Variants in TENM4 observed in about 807,000 individuals in gnomAD.
TENM4 encodes the protein teneurin-4.
A neutral mutation model predicts 243.3 loss-of-function variants in TENM4; 82 were observed. That is an observed-to-expected ratio of 0.34 (90% CI 0.28 to 0.40). The LOEUF (loss-of-function observed/expected upper bound fraction) is 0.40. TENM4 is among the 10% of genes least tolerant of loss of function. The probability of loss-of-function intolerance (pLI) is 1.00; values close to 1 mark genes in which losing one functional copy is unlikely to be tolerated. For missense variants in TENM4, 3,138 were observed against 3,673.3 expected (o/e 0.85, Z 3.77); for synonymous variants, 1,412 against 1,456.3 (o/e 0.97, Z 0.69).
chr11:79,123,680 G>A (rs1277241677), intron 4 of TENM4, among the ~76,000 whole-genome samples: 1 of 151,274 alleles, frequency 6.6e-6, no homozygotes, highest in Non-Finnish European at 1.5e-5. Context: ...TGGGCCTTGT[G>A]CAATGCACAC....
intron 19 of TENM4, among the ~76,000 whole-genome samples, chr11:78,750,521 T>C (rs1288007595): frequency 6.6e-6 from 1 of 152,256 alleles, no homozygotes. Flanking sequence ...AAGCCCGCCC[T>C]GTGTTACATG....
At chr11:78,766,334 G>A (rs1790562) in intron 18 of TENM4, among the ~76,000 whole-genome samples, 132,423 of 152,278 alleles carry the variant, frequency 0.87, 58,232 homozygotes, top group Non-Finnish European at 0.91. Context: ...CATCTTTGGG[G>A]CATGGTGTCA....
intron 1 of TENM4, among the ~76,000 whole-genome samples, chr11:79,362,310 A>T (rs1160776213): frequency 6.6e-6 from 1 of 152,202 alleles, no homozygotes; most frequent in Admixed American, 6.5e-5. Flanking sequence ...ATGTCAGCAG[A>T]GGGGGAAATA....
chr11:79,123,599 C>CT (rs35553883), intron 4 of TENM4, among the ~76,000 whole-genome samples: 1,733 of 143,700 alleles, frequency 0.012, 34 homozygotes, highest in African/African-American at 0.028. Flanking sequence ...GCAGTAGCCC[C>CT]TTTTTTTTTT....
At chr11:78,713,677 G>A (rs1300091442) in intron 25 of TENM4, among the ~76,000 whole-genome samples, 1 of 152,148 alleles carries the variant, frequency 6.6e-6, no homozygotes, top group South Asian at 2.1e-4. Flanking sequence ...GGAAACCAGA[G>A]ATAAAATAAA....
intron 4 of TENM4, among the ~76,000 whole-genome samples, chr11:79,143,038 G>T (rs1304907460): frequency 6.6e-6 from 1 of 152,154 alleles, no homozygotes; most frequent in Non-Finnish European, 1.5e-5. Flanking sequence ...ATGTGCTGGA[G>T]AGGATGTGGA....
intron 2 of TENM4, among the ~76,000 whole-genome samples, chr11:79,257,720 G>T (rs776551914): frequency 6.6e-6 from 1 of 152,188 alleles, no homozygotes; most frequent in Non-Finnish European, 1.5e-5. Context: ...GGCTATCAGA[G>T]CAGGTCACAC....
intron 3 of TENM4, among the ~76,000 whole-genome samples, chr11:79,192,293 A>G (rs1031604809): frequency 1.3e-5 from 2 of 152,250 alleles, no homozygotes; most frequent in Non-Finnish European, 2.9e-5. Flanking sequence ...AGAATGGGCC[A>G]TGATGACGAT....
At chr11:79,003,363 G>A (rs542072135) in intron 6 of TENM4, among the ~76,000 whole-genome samples, 2 of 150,830 alleles carry the variant, frequency 1.3e-5, no homozygotes, top group Non-Finnish European at 2.9e-5. Flanking sequence ...TATTCTCCAA[G>A]GTCAAAATGA....
rs541241076 is a variant in TENM4 at position 79,043,416 on chromosome 11, A to G, written c.493+21322T>C. Among the ~76,000 whole-genome samples the G allele has an allele frequency of 2.9e-3, 434 of 152,180 alleles. 2 individuals carry two copies. The highest frequency in any genetic ancestry group is 4.8e-3 in the Non-Finnish European group (329 of 68,000). ...GCTGTGAGAAGCAGCCAAAAAGGCTATTTGCTCCAGAGTGGGTAGCTCCAC... is the reference window on the plus strand; with the variant it reads ...GCTGTGAGAAGCAGCCAAAAAGGCTGTTTGCTCCAGAGTGGGTAGCTCCAC... On this transcript the variant is annotated intron_variant, in intron 6 of 33. Transcript: ENST00000278550.
chr11:79,199,619 C>A (rs1177272260), intron 3 of TENM4, among the ~76,000 whole-genome samples: 2 of 152,220 alleles, frequency 1.3e-5, no homozygotes, highest in Admixed American at 6.5e-5. Context: ...GAATGCCCTT[C>A]CATTACAGAT....
At chr11:79,433,580 A>C (rs890853892) in intron 1 of TENM4, among the ~76,000 whole-genome samples, 1 of 152,064 alleles carries the variant, frequency 6.6e-6, no homozygotes, top group Non-Finnish European at 1.5e-5. Flanking sequence ...CTTAAAACCT[A>C]ATGTTCTTAA....
intron 1 of TENM4, among the ~76,000 whole-genome samples, chr11:79,393,781 G>A (rs1858284337): frequency 6.6e-6 from 1 of 152,212 alleles, no homozygotes; most frequent in Non-Finnish European, 1.5e-5. Context: ...CCAATAGGTG[G>A]TGCTGCCAGA....
rs146644727 is a variant in TENM4, at chr11:79,155,936, C to G, written c.-162-7130G>C. Among the ~76,000 whole-genome samples the G allele has an allele frequency of 7.4e-3, 1,129 of 152,158 alleles. 13 individuals are homozygous for G. Among genetic ancestry groups the G allele is most frequent in the African/African-American group, 0.026 (1,094 of 41,502 alleles). ...TCCTTTTATCCCCCCACCCTTCCCA[C>G]CTGCCAGCCATCCCATCCTTCCTAC... is the stretch of plus-strand genomic sequence containing the variant. On this transcript the variant is annotated intron_variant, in intron 3 of 33. Transcript: ENST00000278550.
chr11:78,962,268 C>G (rs1476411397), intron 6 of TENM4: 3 of 151,260 alleles, frequency 2.0e-5, no homozygotes, highest in Non-Finnish European at 4.4e-5. Flanking sequence ...CCGCCTCTGG[C>G]TCTCATTGGC....
chr11:79,084,017 C>T (rs905394905), intron 4 of TENM4, among the ~76,000 whole-genome samples: 24 of 151,954 alleles, frequency 1.6e-4, no homozygotes, highest in African/African-American at 5.6e-4. Flanking sequence ...CAAAATGCAA[C>T]AGTGAGAAAC....
chr11:78,702,132 A>G lies in TENM4; in HGVS notation c.4481T>C (p.Ile1494Thr). The stretch of plus-strand genomic sequence containing the variant: ...CTCTCCACTAGTGGTGACCTGCCTG[A>G]TGCGGTTGATCTTTTTCTCATCAGT... ...AETDEKKINR[I>T]RQVTTSGEIS... Residue 1494 changes from isoleucine to threonine, a missense_variant, in exon 28 of 34, where the codon ATC becomes ACC. By Grantham distance (89) the Ile-to-Thr change is moderately conservative. Coordinates refer to ENST00000278550, the MANE Select transcript of TENM4 (RefSeq NM_001098816.3). 1 of 1,613,944 alleles carries G rather than the reference A, an allele frequency of 6.2e-7. No homozygotes were observed. Among genetic ancestry groups the G allele is most frequent in the Non-Finnish European group, 8.5e-7 (1 of 1,179,890 alleles).
intron 6 of TENM4, among the ~76,000 whole-genome samples, chr11:78,960,747 C>T (rs979917761): frequency 1.3e-5 from 2 of 152,182 alleles, no homozygotes; most frequent in Admixed American, 6.5e-5. Context: ...TACTAGGTTC[C>T]TACCGCCTTT....
intron 6 of TENM4, among the ~76,000 whole-genome samples, chr11:78,954,664 T>C (rs1287285645): frequency 2.4e-4 from 36 of 152,196 alleles, no homozygotes; most frequent in Admixed American, 2.4e-3. Flanking sequence ...TTATGGCAAG[T>C]CATACACTTG....
Sources: allele counts gnomAD v4.1 joint callset (sites outside exome capture counted in the v4.1 genomes callset), GRCh38; gene constraint gnomAD v4.1.1; transcripts MANE v1.5; gene names NCBI Gene and HGNC (gene_info 2026-07-23, HGNC 2026-07-21).